Variants in C12orf76 observed in about 807,000 individuals in gnomAD.
C12orf76 encodes chromosome 12 open reading frame 76, also known as uncharacterized protein C12orf76.
Under a neutral mutation model 6.8 loss-of-function variants are expected in C12orf76, and 6 were observed. The observed-to-expected ratio is 0.88, with a 90% CI of 0.48 to 1.73. The LOEUF is 1.73. Among genes scored for constraint, C12orf76 ranks in the 40% most tolerant of loss-of-function variants. C12orf76 has a pLI of 0.01. For synonymous variants in C12orf76, 56 were observed against 43.7 expected (o/e 1.28, Z -1.11); for missense variants, 99 against 98.2 (o/e 1.01, Z -0.03).
chr12:110,053,429 G>A (rs1892617752), upstream of C12orf76, among the ~76,000 whole-genome samples: 1 of 152,122 alleles, frequency 6.6e-6, no homozygotes, highest in Non-Finnish European at 1.5e-5. Context: ...AACCTGGGAG[G>A]CAAAGGTTGC....
chr12:110,052,968 C>T (rs1290003156), upstream of C12orf76, among the ~76,000 whole-genome samples: 4 of 152,056 alleles, frequency 2.6e-5, no homozygotes, highest in Admixed American at 1.3e-4. Flanking sequence ...TTTGGGAGGC[C>T]AAGGTGGGCG....
intron 2 of C12orf76, among the ~76,000 whole-genome samples, chr12:110,061,566 T>A (rs761432424): frequency 2.1e-4 from 32 of 151,722 alleles, no homozygotes; most frequent in Non-Finnish European, 4.1e-4. Flanking sequence ...AAACGGAGTC[T>A]TACTCTGTCA....
At chr12:110,069,256 T>C (rs914680521), upstream of C12orf76, among the ~76,000 whole-genome samples, 1 of 151,996 alleles carries the variant, frequency 6.6e-6, no homozygotes, top group Non-Finnish European at 1.5e-5. Context: ...CTGGCTATCA[T>C]GGTGAAACCC....
At position 110,042,419 on chromosome 12, in the gene C12orf76, GACAGTCA is replaced by G; in HGVS notation, c.167_173del (p.Val56AlafsTer28). 1 of 1,614,146 alleles carries G rather than the reference GACAGTCA, an allele frequency of 6.2e-7. No individual in the cohort carries two copies. The highest frequency in any genetic ancestry group is 2.2e-5 in the East Asian group (1 of 44,890). On this transcript the variant is annotated frameshift_variant, in exon 2 of 2. Coordinates refer to ENST00000615315, the MANE Select transcript of C12orf76 (RefSeq NM_001389625.1). LOFTEE classifies it high-confidence loss of function. ...TGTAGACACAAAATGCCATAAGGAT[GACAGTCA>G]CCAGCAGGATGCTGAAAATGGTTCC... is the stretch of plus-strand genomic sequence containing the variant.
upstream of C12orf76, chr12:110,051,352 GAT>G: frequency 1.5e-6 from 1 of 678,470 alleles, no homozygotes; most frequent in East Asian, 2.7e-5. Context: ...AGGATCAAAT[GAT>G]ATATGTCTGC....
chr12:110,064,415 C>T (rs902922273), intron 2 of C12orf76, among the ~76,000 whole-genome samples: 4 of 152,202 alleles, frequency 2.6e-5, no homozygotes, highest in South Asian at 4.1e-4. Context: ...TCAACCACTC[C>T]GACAACCAAT....
chr12:110,072,889 A>G (rs1231020693), intron 1 of C12orf76, among the ~76,000 whole-genome samples: 1 of 151,512 alleles, frequency 6.6e-6, no homozygotes, highest in African/African-American at 2.4e-5. Flanking sequence ...CGGAGGTTGC[A>G]GTGAGCCAAG....
upstream of C12orf76, chr12:110,048,542 C>A: frequency 7.3e-7 from 1 of 1,372,258 alleles, no homozygotes; most frequent in South Asian, 1.7e-5. Context: ...GTCGCAAGCC[C>A]TGCCTCTGTC....
At chr12:110,045,994 T>C (rs1464788846) in intron 1 of C12orf76, 13 of 182,052 alleles carry the variant, frequency 7.1e-5, no homozygotes. Context: ...AAAAAGGAGC[T>C]TAAAACCATG....
At chr12:110,063,878 G>A (rs1425901639) in intron 2 of C12orf76, among the ~76,000 whole-genome samples, 1 of 152,028 alleles carries the variant, frequency 6.6e-6, no homozygotes, top group Admixed American at 6.6e-5. Context: ...CTGCAGTCCA[G>A]CCTGGGCAAC....
upstream of C12orf76, among the ~76,000 whole-genome samples, chr12:110,053,863 T>C (rs550542635): frequency 4.4e-4 from 67 of 151,706 alleles, no homozygotes; most frequent in African/African-American, 1.6e-3. Flanking sequence ...GCAGGGGAAT[T>C]GCTTGAGCCC....
chr12:110,066,457 G>A (rs1892864723), intron 1 of C12orf76, among the ~76,000 whole-genome samples: 1 of 147,530 alleles, frequency 6.8e-6, no homozygotes, highest in African/African-American at 2.5e-5. Flanking sequence ...GGAGGCCGAG[G>A]CCAGCAGATC....
chr12:110,066,852 C>T lies in C12orf76; in HGVS notation n.206+638G>A, dbSNP rs564090208. On this transcript the variant is annotated intron_variant and non_coding_transcript_variant, in intron 1 of 4. Coordinates refer to the C12orf76 transcript ENST00000309050. Reference sequence around the variant, plus strand: ...GGCCACCCACTGGGAAATAGGTGTCCAGCCAGGAGCTCCATTTTAATAGCC... The same window carrying T: ...GGCCACCCACTGGGAAATAGGTGTCTAGCCAGGAGCTCCATTTTAATAGCC... Among the ~76,000 whole-genome samples the T allele has an allele frequency of 3.9e-5, 6 of 152,294 alleles. No individual in the cohort carries two copies. The South Asian group carries it at 1.0e-3, about 26-fold the overall frequency.
chr12:110,062,186 C>A (rs539053862), intron 2 of C12orf76, among the ~76,000 whole-genome samples: 427 of 152,252 alleles, frequency 2.8e-3, no homozygotes, highest in Non-Finnish European at 5.0e-3. Context: ...ATCGTTTGAA[C>A]CCAGGAAGCA....
At chr12:110,067,044 TG>T (rs1467079260) in intron 1 of C12orf76, among the ~76,000 whole-genome samples, 1 of 152,214 alleles carries the variant, frequency 6.6e-6, no homozygotes, top group Non-Finnish European at 1.5e-5. Context: ...CCCTAGTCTG[TG>T]GCCATTGGAA....
chr12:110,047,228 T>C (rs2137218639), intron 1 of C12orf76, among the ~76,000 whole-genome samples: 1 of 152,256 alleles, frequency 6.6e-6, no homozygotes, highest in South Asian at 2.1e-4. Flanking sequence ...GCCAAAGCCA[T>C]GCACACACAC....
intron 4 of C12orf76, among the ~76,000 whole-genome samples, chr12:110,055,724 G>T (rs1014454122): frequency 6.6e-6 from 1 of 152,112 alleles, no homozygotes; most frequent in Non-Finnish European, 1.5e-5. Context: ...TGGGTTGGGG[G>T]AAGCCAGTGT....
intron 2 of C12orf76, among the ~76,000 whole-genome samples, chr12:110,063,347 A>C (rs1300605912): frequency 6.6e-6 from 1 of 151,308 alleles, no homozygotes; most frequent in Non-Finnish European, 1.5e-5. Context: ...GCAGTGGTGC[A>C]ATCTCAGCTC....
intron 1 of C12orf76, among the ~76,000 whole-genome samples, chr12:110,067,188 T>C (rs1259200196): frequency 6.6e-6 from 1 of 152,238 alleles, no homozygotes; most frequent in African/African-American, 2.4e-5. Flanking sequence ...AGAATTCTCC[T>C]AGGTGGTGCC....
Sources: gnomAD v4.1 joint callset for allele counts (sites outside exome capture counted in the v4.1 genomes callset) on GRCh38, gnomAD v4.1.1 for gene constraint, MANE v1.5 for transcripts, NCBI Gene and HGNC (gene_info 2026-07-23, HGNC 2026-07-21) for gene names.